The following CDH8 variants were observed in gnomAD, a reference collection of about 807,000 sequenced individuals.
CDH8 encodes the protein cadherin-8.
A neutral mutation model predicts 68.1 loss-of-function variants in CDH8; 17 were observed. The ratio of observed to expected loss-of-function variants is 0.25; its 90% CI spans 0.17 to 0.37. CDH8 has a LOEUF of 0.37. Among genes scored for constraint, CDH8 ranks in the 10% least tolerant of loss-of-function variants. CDH8 has a pLI of 1.00. For missense variants in CDH8, 763 were observed against 999.3 expected (o/e 0.76, Z 3.19); for synonymous variants, 372 against 365.1 (o/e 1.02, Z -0.21).
chr16:61,810,425 G>T (rs994217808), intron 7 of CDH8, among the ~76,000 whole-genome samples: 2 of 151,382 alleles, frequency 1.3e-5, no homozygotes, highest in Non-Finnish European at 2.9e-5. Context: ...ATTCCTCTAA[G>T]GAAAAGAAGG....
intron 8 of CDH8, among the ~76,000 whole-genome samples, chr16:61,773,288 C>T (rs1960824311): frequency 6.6e-6 from 1 of 152,042 alleles, no homozygotes; most frequent in African/African-American, 2.4e-5. Flanking sequence ...CTCCACACTA[C>T]ATACATGATT....
At chr16:61,708,643 C>T (rs1354677378) in intron 10 of CDH8, among the ~76,000 whole-genome samples, 1 of 152,224 alleles carries the variant, frequency 6.6e-6, no homozygotes, top group Non-Finnish European at 1.5e-5. Context: ...TTTTTCTTAG[C>T]TTGCACATCG....
intron 10 of CDH8, among the ~76,000 whole-genome samples, chr16:61,664,534 G>C (rs1189243125): frequency 6.6e-6 from 1 of 151,928 alleles, no homozygotes; most frequent in Non-Finnish European, 1.5e-5. Flanking sequence ...ATAAATCAGA[G>C]AGAGGGAGAG....
chr16:61,884,617 G>A (rs964009403), intron 3 of CDH8, among the ~76,000 whole-genome samples: 9 of 151,850 alleles, frequency 5.9e-5, no homozygotes, highest in African/African-American at 1.7e-4. Context: ...CAGGTGATCC[G>A]CCCGCCTCAG....
At position 61,817,714 on chromosome 16, in the gene CDH8, T is replaced by G. The variant is rs776115626; in HGVS notation, c.1042A>C (p.Lys348Gln). ...RLRKPLDFETKKSYTLKVEAA... is the reference protein window; with the variant it reads ...RLRKPLDFETQKSYTLKVEAA... ...TCTACCTTTAGCGTATAGGATTTTT[T>G]GGTCTCAAAGTCCAGAGGCTGTTAA... Residue 348 changes from lysine to glutamine, a missense_variant, in exon 7 of 12, where the codon AAA becomes CAA. This residue lies in a region of CDH8 where 366 missense variants were observed against 563.1 expected (regional missense o/e 0.65). Transcript: ENST00000577390. The G allele has an allele frequency of 6.3e-7, 1 of 1,574,812 alleles. No individual in the cohort carries two copies. The highest frequency in any genetic ancestry group is 8.6e-7 in the Non-Finnish European group (1 of 1,162,888).
chr16:61,821,003 T>C lies in CDH8; in HGVS notation c.946A>G (p.Ile316Val), dbSNP rs768700973. 23 of 1,612,630 alleles carry C rather than the reference T, an allele frequency of 1.4e-5. No individual in the cohort carries two copies. Among genetic ancestry groups the C allele is most frequent in the Admixed American group, 1.7e-5 (1 of 59,900 alleles). The change falls in exon 6 of 12, where the codon ATC becomes GTC. Residue 316 changes from isoleucine to valine, a missense_variant. Transcript: ENST00000577390. ...GENAQSSYDIIDGDGTALFEI... is the reference protein window; with the variant it reads ...GENAQSSYDIVDGDGTALFEI... ...AAAAGTGCTGTTCCATCTCCATCGA[T>C]GATATCATATGATGACTGTGCATTT...
intron 2 of CDH8, among the ~76,000 whole-genome samples, chr16:61,917,993 A>C: frequency 7.3e-6 from 1 of 136,932 alleles, no homozygotes; most frequent in South Asian, 2.3e-4. Flanking sequence ...TTTTTACCGT[A>C]CTGACATTTG....
intron 8 of CDH8, among the ~76,000 whole-genome samples, chr16:61,789,107 A>G (rs1961316883): frequency 6.6e-6 from 1 of 152,072 alleles, no homozygotes; most frequent in Non-Finnish European, 1.5e-5. Flanking sequence ...ATTGTTTTTA[A>G]TGGCTGAATA....
intron 2 of CDH8, among the ~76,000 whole-genome samples, chr16:61,909,325 C>T (rs1251121834): frequency 6.6e-6 from 1 of 152,132 alleles, no homozygotes; most frequent in African/African-American, 2.4e-5. Flanking sequence ...GAATGGAATG[C>T]ACTGCTTGTG....
intron 10 of CDH8, among the ~76,000 whole-genome samples, chr16:61,660,656 G>T (rs933239044): frequency 6.6e-6 from 1 of 151,850 alleles, no homozygotes; most frequent in African/African-American, 2.4e-5. Flanking sequence ...GTGAAAACAC[G>T]GAAAGCCAAA....
intron 7 of CDH8, among the ~76,000 whole-genome samples, chr16:61,803,751 T>A (rs1004948553): frequency 5.5e-5 from 8 of 144,314 alleles, no homozygotes; most frequent in African/African-American, 2.1e-4. Flanking sequence ...AGGGATCAAT[T>A]CAACAAGAAG....
At chr16:61,848,751 G>A (rs933364261) in intron 4 of CDH8, among the ~76,000 whole-genome samples, 10 of 152,104 alleles carry the variant, frequency 6.6e-5, no homozygotes, top group South Asian at 2.1e-4. Flanking sequence ...ATTACATTTC[G>A]TCACAATCAT....
intron 4 of CDH8, among the ~76,000 whole-genome samples, chr16:61,855,135 C>T (rs370614312): frequency 2.6e-5 from 4 of 152,208 alleles, no homozygotes; most frequent in South Asian, 2.1e-4. Context: ...ACACTATCCA[C>T]GATAATGCCA....
intron 11 of CDH8, among the ~76,000 whole-genome samples, chr16:61,654,677 A>C (rs758641723): frequency 6.6e-6 from 1 of 152,206 alleles, no homozygotes; most frequent in South Asian, 2.1e-4. Context: ...GGGCAAGGAA[A>C]ACATACCCAA....
chr16:61,784,331 A>C (rs1961172962), intron 8 of CDH8, among the ~76,000 whole-genome samples: 1 of 150,008 alleles, frequency 6.7e-6, no homozygotes, highest in African/African-American at 2.4e-5. Flanking sequence ...AGATCAAAAG[A>C]GACAAAGAAG....
At position 61,655,509 on chromosome 16, in the gene CDH8, C is replaced by G; in HGVS notation, c.1867G>C (p.Ala623Pro). ...YVLPIGLSMG[A>P]LIAILACIIL... is the part of the protein sequence containing the mutation. ...ATGCATGCTAATATGGCAATTAAGG[C>G]GCCCATACTGAGTCCAATTGGAAGG... Residue 623 changes from alanine to proline, a missense_variant, in exon 11 of 12, where the codon GCC becomes CCC. By Grantham distance (27) the Ala-to-Pro change is conservative. Coordinates refer to ENST00000577390, the MANE Select transcript of CDH8 (RefSeq NM_001796.5). 6.2e-7 allele frequency: 1 copy of G among 1,614,020 alleles called. No individual in the cohort carries two copies. The highest frequency in any genetic ancestry group is 8.5e-7 in the Non-Finnish European group (1 of 1,179,984).
intron 2 of CDH8, among the ~76,000 whole-genome samples, chr16:61,933,906 G>A (rs1291324886): frequency 1.3e-5 from 2 of 152,072 alleles, no homozygotes; most frequent in African/African-American, 4.8e-5. Context: ...AAAATACATG[G>A]ATTTATTTTT....
At chr16:61,759,793 C>A (rs956576055) in intron 8 of CDH8, among the ~76,000 whole-genome samples, 14 of 152,254 alleles carry the variant, frequency 9.2e-5, no homozygotes, top group African/African-American at 3.4e-4. Context: ...TGTTTTAAAT[C>A]ATGACATTAA....
intron 8 of CDH8, among the ~76,000 whole-genome samples, chr16:61,781,703 G>T (rs1480133303): frequency 5.3e-5 from 8 of 151,938 alleles, no homozygotes; most frequent in African/African-American, 1.9e-4. Flanking sequence ...GGATTTTTTT[G>T]AGCTTTTTAT....
Sources: gnomAD v4.1 joint callset for allele counts (sites outside exome capture counted in the v4.1 genomes callset) on GRCh38, gnomAD v4.1.1 for gene constraint, gnomAD v4.1.1 regional missense constraint, MANE v1.5 for transcripts, NCBI Gene and HGNC (gene_info 2026-07-23, HGNC 2026-07-21) for gene names.